Variants in SNTG2 observed in about 807,000 individuals in gnomAD.
SNTG2 encodes the protein gamma-2-syntrophin.
Under a neutral mutation model 70.9 loss-of-function variants are expected in SNTG2, and 74 were observed. The ratio of observed to expected loss-of-function variants is 1.04; its 90% CI spans 0.86 to 1.27. The LOEUF is 1.27. SNTG2 is among the 50% of genes most tolerant of loss of function. The probability of loss-of-function intolerance (pLI) is 0.00; values close to 1 mark genes in which losing one functional copy is unlikely to be tolerated. For missense variants in SNTG2, 717 were observed against 690.7 expected, an observed-to-expected ratio of 1.04 and a Z score of -0.43; for synonymous variants, 278 against 273.8, an observed-to-expected ratio of 1.02 and a Z score of -0.15.
intron 8 of SNTG2, among the ~76,000 whole-genome samples, chr2:1,184,717 C>T (rs1020329493): frequency 6.6e-6 from 1 of 152,174 alleles, no homozygotes; most frequent in Non-Finnish European, 1.5e-5. Context: ...AATCTGCCCC[C>T]ACGATTCAAT....
chr2:1,274,346 T>C (rs7568265), intron 14 of SNTG2, among the ~76,000 whole-genome samples: 46,531 of 152,156 alleles, frequency 0.31, 8,021 homozygotes, highest in African/African-American at 0.47. Context: ...TGGTCACTGA[T>C]GTAGGAATCT....
intron 1 of SNTG2, among the ~76,000 whole-genome samples, chr2:1,062,497 A>G (rs1662887370): frequency 6.6e-6 from 1 of 152,216 alleles, no homozygotes; most frequent in South Asian, 2.1e-4. Context: ...GCATGGATCA[A>G]TGATCAGAAA....
At chr2:1,022,391 G>A (rs1282650115) in intron 1 of SNTG2, among the ~76,000 whole-genome samples, 2 of 151,808 alleles carry the variant, frequency 1.3e-5, no homozygotes, top group African/African-American at 2.4e-5. Context: ...GAGGACCTGC[G>A]TTCTCAGGAG....
chr2:981,304 C>G (rs561322661), intron 1 of SNTG2, among the ~76,000 whole-genome samples: 24 of 152,302 alleles, frequency 1.6e-4, no homozygotes, highest in African/African-American at 5.8e-4. Context: ...CCTGTTGATT[C>G]ACATGAAATA....
chr2:1,096,125 T>C (rs1665375780), intron 2 of SNTG2, among the ~76,000 whole-genome samples: 1 of 151,816 alleles, frequency 6.6e-6, no homozygotes, highest in Non-Finnish European at 1.5e-5. Flanking sequence ...CATGCAGGAG[T>C]AACTCCCTCT....
intron 16 of SNTG2, among the ~76,000 whole-genome samples, chr2:1,330,500 A>G (rs1321249754): frequency 6.6e-6 from 1 of 152,176 alleles, no homozygotes; most frequent in Non-Finnish European, 1.5e-5. Flanking sequence ...TCTGTGCAGC[A>G]AGGTGGAGCA....
intron 16 of SNTG2, among the ~76,000 whole-genome samples, chr2:1,338,836 G>A (rs958541715): frequency 1.3e-5 from 2 of 152,170 alleles, no homozygotes; most frequent in Non-Finnish European, 2.9e-5. Flanking sequence ...ACATTTACAT[G>A]CAAGTATCTG....
At chr2:1,359,953 A>C (rs1393844109) in intron 16 of SNTG2, among the ~76,000 whole-genome samples, 1 of 152,226 alleles carries the variant, frequency 6.6e-6, no homozygotes, top group Non-Finnish European at 1.5e-5. Flanking sequence ...AAAACAAGCA[A>C]ACAAAGAAAC....
At chr2:1,056,926 G>GAGGA (rs1293437004) in intron 1 of SNTG2, among the ~76,000 whole-genome samples, 7 of 85,592 alleles carry the variant, frequency 8.2e-5, no homozygotes, top group African/African-American at 2.3e-4. Context: ...TGTGGGGAGG[G>GAGGA]AGGGAGGGAG....
intron 8 of SNTG2, among the ~76,000 whole-genome samples, chr2:1,194,745 T>C (rs1411504217): frequency 1.3e-5 from 2 of 152,210 alleles, no homozygotes; most frequent in Admixed American, 6.5e-5. Context: ...TTATTTATTA[T>C]ACTTTAAGTT....
intron 1 of SNTG2, among the ~76,000 whole-genome samples, chr2:1,012,767 T>C (rs1659773460): frequency 1.1e-5 from 1 of 88,854 alleles, no homozygotes. Flanking sequence ...TGGAGAAGGA[T>C]TTATATGGGC....
chr2:1,200,801 A>G (rs1207164841), intron 8 of SNTG2, among the ~76,000 whole-genome samples: 1 of 152,062 alleles, frequency 6.6e-6, no homozygotes, highest in African/African-American at 2.4e-5. Flanking sequence ...AATGCTTAGC[A>G]TTACTAATCA....
chr2:1,218,697 T>G (rs1458475905), intron 9 of SNTG2, among the ~76,000 whole-genome samples: 1 of 152,182 alleles, frequency 6.6e-6, no homozygotes, highest in Non-Finnish European at 1.5e-5. Context: ...CTGTGGTGCC[T>G]CTGGGATGTG....
Position 1,209,099 on chromosome 2 carries a change from A to T in SNTG2, c.592-4A>T. 1 of 1,613,864 alleles carries T rather than the reference A, an allele frequency of 6.2e-7. No individual in the cohort carries two copies. The highest frequency in any genetic ancestry group is 1.7e-5 in the Admixed American group (1 of 60,010). On this transcript the variant is annotated splice_region_variant and splice_polypyrimidine_tract_variant and intron_variant, in intron 8 of 16. Transcript: ENST00000308624. ...GACGCTTCATTCTCCTTTCTTCTGTACAGGCCCCATCGTCACCTTCCTCGC... is the reference window on the plus strand; with the variant it reads ...GACGCTTCATTCTCCTTTCTTCTGTTCAGGCCCCATCGTCACCTTCCTCGC...
At chr2:1,210,219 T>A (rs1477709725) in intron 9 of SNTG2, among the ~76,000 whole-genome samples, 1 of 152,200 alleles carries the variant, frequency 6.6e-6, no homozygotes, top group African/African-American at 2.4e-5. Context: ...ACAGGGACAG[T>A]AAGCTTGATT....
At chr2:1,103,379 C>CTTTTTTTTTTTTTTTT in intron 4 of SNTG2, 1 of 241,156 alleles carries the variant, frequency 4.1e-6, no homozygotes, top group Admixed American at 5.8e-5. Context: ...TTATAAATTT[C>CTTTTTTTTTTTTTTTT]TTTTTTTTTT....
At chr2:1,080,936 C>T (rs770297510) in intron 1 of SNTG2, among the ~76,000 whole-genome samples, 20 of 152,098 alleles carry the variant, frequency 1.3e-4, no homozygotes, top group African/African-American at 4.1e-4. Context: ...TTACCGAGAA[C>T]GCTGGTGGCC....
chr2:1,048,938 T>C (rs1358698240), intron 1 of SNTG2, among the ~76,000 whole-genome samples: 1 of 152,236 alleles, frequency 6.6e-6, no homozygotes, highest in Non-Finnish European at 1.5e-5. Context: ...TGCACACCTT[T>C]CTATTTGTCA....
chr2:1,224,213 G>A (rs962521290), intron 9 of SNTG2, among the ~76,000 whole-genome samples: 12 of 152,334 alleles, frequency 7.9e-5, no homozygotes, highest in African/African-American at 2.6e-4. Flanking sequence ...AACACTGAAC[G>A]TTTGGGGAGC....
Sources: allele counts gnomAD v4.1 joint callset (sites outside exome capture counted in the v4.1 genomes callset), GRCh38; gene constraint gnomAD v4.1.1; transcripts MANE v1.5; gene names NCBI Gene and HGNC (gene_info 2026-07-23, HGNC 2026-07-21).